WSCD2: variants seen among roughly 807,000 people sequenced by gnomAD.
The protein encoded by WSCD2 is WSC domain sialate O sulfotransferase 2, also known as sialate:O-sulfotransferase 2.
A neutral mutation model predicts 55.7 loss-of-function variants in WSCD2; 28 were observed. That is an observed-to-expected ratio of 0.50 (90% CI 0.37 to 0.69). The LOEUF (loss-of-function observed/expected upper bound fraction) is 0.69, where lower values mean the gene tolerates loss of function less well. WSCD2 is among the 30% of genes least tolerant of loss of function. WSCD2 has a pLI of 0.00. For missense variants in WSCD2, 616 were observed against 762.1 expected (o/e 0.81, Z 2.26); for synonymous variants, 301 against 301.9 (o/e 1.00, Z 0.03).
At chr12:108,191,837 G>T (rs563508381) in intron 1 of WSCD2, among the ~76,000 whole-genome samples, 43 of 152,246 alleles carry the variant, frequency 2.8e-4, no homozygotes, top group South Asian at 1.9e-3. Flanking sequence ...TCTGAAAGTG[G>T]GGGGTGGACA....
At chr12:108,188,083 G>T (rs1882734454) in intron 1 of WSCD2, among the ~76,000 whole-genome samples, 1 of 152,172 alleles carries the variant, frequency 6.6e-6, no homozygotes, top group Non-Finnish European at 1.5e-5. Flanking sequence ...AGATGGCTGG[G>T]TGTTAAAGGC....
intron 1 of WSCD2, among the ~76,000 whole-genome samples, chr12:108,132,501 C>T (rs765607654): frequency 1.3e-5 from 2 of 151,980 alleles, no homozygotes; most frequent in Non-Finnish European, 2.9e-5. Context: ...TGAGTGTGAG[C>T]GTGCATGTCT....
At chr12:108,221,448 C>T in intron 4 of WSCD2, among the ~76,000 whole-genome samples, 1 of 152,110 alleles carries the variant, frequency 6.6e-6, no homozygotes, top group East Asian at 1.9e-4. Context: ...CCCAGGTACT[C>T]AGGAGGATGA....
rs893609238 is a variant in WSCD2, at chr12:108,249,903, A to G, written c.*1560A>G. On this transcript the variant is annotated 3_prime_UTR_variant, in exon 9 of 9. Coordinates refer to ENST00000547525, the MANE Select transcript of WSCD2 (RefSeq NM_014653.4). The stretch of plus-strand genomic sequence containing the variant: ...CCAGGGGGCTCTGAATGTATTTTGT[A>G]CCGTGTTTCTTTCCCCCAGGAGAAT... The G allele has an allele frequency of 3.9e-5, 6 of 152,586 alleles. No individual in the cohort carries two copies. Among genetic ancestry groups the G allele is most frequent in the South Asian group, 2.1e-4 (1 of 4,822 alleles). The allele number at this position is 152,586 out of a possible 1,614,324, so 9.5% of individuals were successfully genotyped here.
intron 1 of WSCD2, among the ~76,000 whole-genome samples, chr12:108,191,642 T>C (rs1883178681): frequency 6.6e-6 from 1 of 152,182 alleles, no homozygotes; most frequent in African/African-American, 2.4e-5. Context: ...CTGACTCTTT[T>C]TACTCATTTT....
chr12:108,156,462 A>G (rs1385065969), intron 1 of WSCD2, among the ~76,000 whole-genome samples: 1 of 152,164 alleles, frequency 6.6e-6, no homozygotes, highest in Non-Finnish European at 1.5e-5. Flanking sequence ...TCATTTCCCC[A>G]TAAGCAGGAC....
intron 1 of WSCD2, among the ~76,000 whole-genome samples, chr12:108,134,412 A>G (rs148936905): frequency 6.6e-6 from 1 of 152,274 alleles, no homozygotes; most frequent in African/African-American, 2.4e-5. Flanking sequence ...GCCTTAGGGA[A>G]CCTTGTGTGT....
chr12:108,176,306 CCT>C (rs150961707), intron 1 of WSCD2, among the ~76,000 whole-genome samples: 123 of 152,308 alleles, frequency 8.1e-4, no homozygotes, highest in African/African-American at 2.6e-3. Flanking sequence ...CCTCTTTGCC[CCT>C]CTGTGGTCAA....
intron 4 of WSCD2, among the ~76,000 whole-genome samples, chr12:108,214,674 A>G (rs1265895106): frequency 6.6e-6 from 1 of 152,236 alleles, no homozygotes; most frequent in Non-Finnish European, 1.5e-5. Flanking sequence ...CTGAGTCCCA[A>G]GGGTGGCTGT....
chr12:108,223,636 C>T (rs1887767452), intron 4 of WSCD2, among the ~76,000 whole-genome samples: 1 of 152,178 alleles, frequency 6.6e-6, no homozygotes, highest in Non-Finnish European at 1.5e-5. Flanking sequence ...GCTATAGGCA[C>T]CCACCCAAGT....
At chr12:108,168,409 C>G (rs1879888418) in intron 1 of WSCD2, among the ~76,000 whole-genome samples, 1 of 152,204 alleles carries the variant, frequency 6.6e-6, no homozygotes, top group African/African-American at 2.4e-5. Context: ...GCCCCCATCT[C>G]CTCCATTAGG....
At chr12:108,185,703 A>G (rs1002769976) in intron 1 of WSCD2, among the ~76,000 whole-genome samples, 2 of 151,898 alleles carry the variant, frequency 1.3e-5, no homozygotes, top group African/African-American at 4.8e-5. Context: ...AGTCCATCCT[A>G]TCTCCTCCTT....
intron 7 of WSCD2, among the ~76,000 whole-genome samples, chr12:108,235,109 T>C (rs1404869794): frequency 3.9e-5 from 6 of 152,208 alleles, no homozygotes; most frequent in African/African-American, 1.4e-4. Flanking sequence ...CTCTGATACT[T>C]ATCAGCTATG....
intron 1 of WSCD2, among the ~76,000 whole-genome samples, chr12:108,179,412 C>T (rs1257609775): frequency 6.6e-6 from 1 of 152,298 alleles, no homozygotes; most frequent in Non-Finnish European, 1.5e-5. Context: ...ACCAAAAGGC[C>T]AAACCAGATT....
At chr12:108,220,518 A>G (rs1354862995) in intron 4 of WSCD2, among the ~76,000 whole-genome samples, 2 of 152,124 alleles carry the variant, frequency 1.3e-5, no homozygotes, top group Non-Finnish European at 2.9e-5. Flanking sequence ...TGGTAGCAAT[A>G]ATGATCACAA....
chr12:108,151,939 C>T (rs1455462311), intron 1 of WSCD2, among the ~76,000 whole-genome samples: 1 of 152,236 alleles, frequency 6.6e-6, no homozygotes, highest in African/African-American at 2.4e-5. Context: ...CAGCCCTCCT[C>T]CTGCACACAC....
At chr12:108,142,988 A>C (rs1279159030) in intron 1 of WSCD2, among the ~76,000 whole-genome samples, 1 of 152,120 alleles carries the variant, frequency 6.6e-6, no homozygotes, top group African/African-American at 2.4e-5. Context: ...TTTTTAAAAA[A>C]ATTTTTGCAG....
intron 1 of WSCD2, among the ~76,000 whole-genome samples, chr12:108,136,224 A>G (rs1876198590): frequency 6.7e-6 from 1 of 150,126 alleles, no homozygotes; most frequent in Non-Finnish European, 1.5e-5. Flanking sequence ...CCAAGGCCAC[A>G]TAGACAGTAG....
Position 108,210,989 on chromosome 12 carries a change from G to A in WSCD2, c.682+684G>A, listed in dbSNP as rs1252552999. 6.6e-6 allele frequency among the ~76,000 whole-genome samples: 1 copy of A among 152,228 alleles called. No homozygotes were observed. The highest frequency in any genetic ancestry group is 1.5e-5 in the Non-Finnish European group (1 of 68,038). Reference sequence around the variant, plus strand: ...GGCTCCTTGTCTGAGGGCACTCCTGGGTCCCCTCCTGGGGACTGGGGAGGA... The same window carrying A: ...GGCTCCTTGTCTGAGGGCACTCCTGAGTCCCCTCCTGGGGACTGGGGAGGA... On this transcript the variant is annotated intron_variant, in intron 4 of 8. Transcript: ENST00000547525. This position sits in a 1 kb window ranked among gnomAD's most constrained non-coding sequence, Gnocchi z 4.3.
Sources: gnomAD v4.1 joint callset for allele counts (sites outside exome capture counted in the v4.1 genomes callset) on GRCh38, gnomAD v4.1.1 for gene constraint, Gnocchi (gnomAD v3.1) non-coding constraint, MANE v1.5 for transcripts, NCBI Gene and HGNC (gene_info 2026-07-23, HGNC 2026-07-21) for gene names.